Variants in PPP2R1B observed in about 807,000 individuals in gnomAD.
PPP2R1B encodes serine/threonine-protein phosphatase 2A 65 kDa regulatory subunit A beta isoform.
In PPP2R1B, 58 loss-of-function variants were observed where a neutral mutation model predicts 72.7. The ratio of observed to expected loss-of-function variants is 0.80; its 90% CI spans 0.65 to 0.99. The LOEUF (loss-of-function observed/expected upper bound fraction) is 0.99, where lower values mean the gene tolerates loss of function less well. Among genes scored for constraint, PPP2R1B ranks in the 50% least tolerant of loss-of-function variants. The probability of loss-of-function intolerance (pLI) is 0.00; values close to 1 mark genes in which losing one functional copy is unlikely to be tolerated. For synonymous variants in PPP2R1B, 256 were observed against 264.6 expected (o/e 0.97, Z 0.32); for missense variants, 695 against 733.6 (o/e 0.95, Z 0.61).
chr11:111,749,513 G>A, intron 10 of PPP2R1B, among the ~76,000 whole-genome samples: 1 of 151,250 alleles, frequency 6.6e-6, no homozygotes, highest in Non-Finnish European at 1.5e-5. Flanking sequence ...TCAAACTCCT[G>A]ACCTCAGGTG....
intron 8 of PPP2R1B, 130 bp from the exon 9 acceptor site, chr11:111,753,707 G>C: frequency 1.1e-6 from 1 of 903,154 alleles, no homozygotes; most frequent in East Asian, 2.7e-5. Flanking sequence ...GCTCACTGCA[G>C]CCTCACCCTC....
At chr11:111,756,179 C>CA (rs1945110229) in intron 5 of PPP2R1B, among the ~76,000 whole-genome samples, 1 of 148,222 alleles carries the variant, frequency 6.7e-6, no homozygotes, top group Non-Finnish European at 1.5e-5. Context: ...CACTGCACTC[C>CA]AGTCTGGGCG....
the PPP2R1B span, among the ~76,000 whole-genome samples, chr11:111,698,580 A>T: frequency 6.6e-6 from 1 of 152,220 alleles, no homozygotes. Context: ...TGTCTCTACT[A>T]AAAATACAAA....
chr11:111,690,223 C>T, the PPP2R1B span, among the ~76,000 whole-genome samples: 2 of 150,302 alleles, frequency 1.3e-5, no homozygotes, highest in African/African-American at 4.9e-5. Flanking sequence ...TTTAATGCTC[C>T]TTGAAAGCAT....
chr11:111,766,378 C>G lies in PPP2R1B; in HGVS notation c.-17G>C. The G allele has an allele frequency of 1.9e-6, 3 of 1,600,288 alleles. No individual in the cohort carries two copies. The highest frequency in any genetic ancestry group is 1.7e-5 in the Admixed American group (1 of 59,468). On this transcript the variant is annotated 5_prime_UTR_variant, in exon 1 of 15. Coordinates refer to ENST00000527614, the MANE Select transcript of PPP2R1B (RefSeq NM_002716.5). ...GCCCGCCATGTTCTTTCTCCTCCTG[C>G]TGCTGGTCACCGCCTCCCGCCCCGC... is the stretch of plus-strand genomic sequence containing the variant.
chr11:111,719,930 G>A, the PPP2R1B span: 77 of 1,614,196 alleles, frequency 4.8e-5, no homozygotes, highest in African/African-American at 9.3e-4. Context: ...AGGCATTTCA[G>A]TCCACACGCA....
chr11:111,691,861 T>C, the PPP2R1B span, among the ~76,000 whole-genome samples: 1 of 152,228 alleles, frequency 6.6e-6, no homozygotes, highest in Non-Finnish European at 1.5e-5. Context: ...AGCTTAACTC[T>C]GCTCTTACCT....
At position 111,754,573 on chromosome 11, in the gene PPP2R1B, A is replaced by G. The variant is rs1555048993; in HGVS notation, c.959-4T>C. 6.3e-7 allele frequency: 1 copy of G among 1,596,352 alleles called. No individual in the cohort carries two copies. The highest frequency in any genetic ancestry group is 1.2e-5 in the South Asian group (1 of 86,346). ...ATGGGCAAGTTCTCACCAAGTTCTA[A>G]AAGATAAATAGAAAAAAAGAATGCT... On this transcript the variant is annotated splice_polypyrimidine_tract_variant and splice_region_variant and intron_variant, in intron 7 of 14. Transcript: ENST00000527614.
chr11:111,766,162 C>A lies in PPP2R1B; in HGVS notation c.114+86G>T, dbSNP rs1393142391. ...GAGTCCGACTCATTCAGTACCTCGG[C>A]CACCCCCACCGCGACGCAGGCCTTC... is the stretch of plus-strand genomic sequence containing the variant. On this transcript the variant is annotated intron_variant, in intron 1 of 14. Transcript: ENST00000527614. 1.9e-5 allele frequency: 26 copies of A among 1,348,030 alleles called. 1 individual carries two copies. The highest frequency in any genetic ancestry group is 2.6e-5 in the Non-Finnish European group (25 of 953,336). 83.5% of individuals were successfully genotyped at this position (1,348,030 alleles called of 1,614,324 possible). A position where few individuals can be genotyped will look rare whatever the true frequency, so the allele number is the denominator to read the frequency against.
chr11:111,704,983 T>G, the PPP2R1B span: 1 of 1,599,606 alleles, frequency 6.3e-7, no homozygotes, highest in South Asian at 1.1e-5. Flanking sequence ...GTTTTTTATT[T>G]CAGTCTTTGC....
At chr11:111,750,924 C>T (rs1467825785) in intron 10 of PPP2R1B, among the ~76,000 whole-genome samples, 4 of 151,670 alleles carry the variant, frequency 2.6e-5, no homozygotes, top group South Asian at 2.1e-4. Context: ...CTGCAGCCTT[C>T]GCCTCCTGGG....
chr11:111,738,374 A>G lies in PPP2R1B; in HGVS notation c.*3222T>C. On this transcript the variant is annotated 3_prime_UTR_variant, in exon 15 of 15. Transcript: ENST00000527614. The stretch of plus-strand genomic sequence containing the variant: ...TTGGCCACCCTGCCCTGCCATCGCC[A>G]CAGGGACAGAGCCAATGTGACGTCT... The G allele has an allele frequency of 1.0e-6, 1 of 985,560 alleles. No homozygotes were observed. The highest frequency in any genetic ancestry group is 1.2e-6 in the Non-Finnish European group (1 of 829,990). The allele number at this position is 985,560 out of a possible 1,614,324, so 61.1% of individuals were successfully genotyped here. A position where few individuals can be genotyped will look rare whatever the true frequency, so the allele number is the denominator to read the frequency against.
chr11:111,742,312 A>C, intron 13 of PPP2R1B, 168 bp from the exon 14 acceptor site: 13 of 665,048 alleles, frequency 2.0e-5, no homozygotes, highest in South Asian at 6.1e-5. Flanking sequence ...CAGCAAAATC[A>C]GCTTCAGACA....
At chr11:111,716,045 G>A in the PPP2R1B span, among the ~76,000 whole-genome samples, 4 of 151,902 alleles carry the variant, frequency 2.6e-5, no homozygotes. Flanking sequence ...CAGGTGATCT[G>A]CCCGCCTTGG....
chr11:111,756,296 T>A (rs1555049701), intron 5 of PPP2R1B, among the ~76,000 whole-genome samples: 1 of 151,964 alleles, frequency 6.6e-6, no homozygotes, highest in African/African-American at 2.4e-5. Flanking sequence ...AGAAATGACT[T>A]TGTACTATGA....
At chr11:111,765,056 G>C (rs1945470857) in intron 2 of PPP2R1B, 151 bp from the exon 3 acceptor site, 1 of 1,347,010 alleles carries the variant, frequency 7.4e-7, no homozygotes, top group Non-Finnish European at 9.9e-7. Context: ...CCGTCTTCCT[G>C]TATCTGCTTT....
chr11:111,732,290 G>T (rs1297310523), intron 15 of PPP2R1B, among the ~76,000 whole-genome samples: 1 of 152,214 alleles, frequency 6.6e-6, no homozygotes, highest in Non-Finnish European at 1.5e-5. Flanking sequence ...CACAGACCCA[G>T]AACTTCGGAC....
chr11:111,765,460 C>G lies in PPP2R1B; in HGVS notation c.115-76G>C, dbSNP rs560119246. ...TAGATCAAAAGACAAAAGGTGCTAA[C>G]AGGTGAAATTATGACACAGGGGTAA... On this transcript the variant is annotated intron_variant, in intron 1 of 14. Transcript: ENST00000527614. The G allele has an allele frequency of 4.1e-6, 5 of 1,208,274 alleles. No individual in the cohort carries two copies. In the African/African-American group the frequency reaches 6.1e-5, roughly 15 times the overall value. 74.8% of individuals were successfully genotyped at this position (1,208,274 alleles called of 1,614,324 possible).
intron 3 of PPP2R1B, among the ~76,000 whole-genome samples, chr11:111,762,527 C>G (rs75422452): frequency 0.086 from 13,002 of 151,086 alleles, 1,845 homozygotes; most frequent in African/African-American, 0.3. Context: ...GCCTACCCAG[C>G]CTCAACACTT....
Sources: gnomAD v4.1 joint callset for allele counts (sites outside exome capture counted in the v4.1 genomes callset) on GRCh38, gnomAD v4.1.1 for gene constraint, MANE v1.5 for transcripts, NCBI Gene and HGNC (gene_info 2026-07-23, HGNC 2026-07-21) for gene names.